The following ZNF385D variants were observed in gnomAD, a reference collection of about 807,000 sequenced individuals.
ZNF385D encodes zinc finger protein 659.
Under a neutral mutation model 35.8 loss-of-function variants are expected in ZNF385D, and 15 were observed. That is an observed-to-expected ratio of 0.42 (90% confidence interval 0.28 to 0.64). The LOEUF (loss-of-function observed/expected upper bound fraction) is 0.64, where lower values mean the gene tolerates loss of function less well. Among genes scored for constraint, ZNF385D ranks in the 30% least tolerant of loss-of-function variants. ZNF385D has a pLI of 0.23. For synonymous variants in ZNF385D, 212 were observed against 186.8 expected (o/e 1.13, Z -1.10); for missense variants, 474 against 494.6 (o/e 0.96, Z 0.39).
intron 3 of ZNF385D, among the ~76,000 whole-genome samples, chr3:22,146,143 G>A (rs759438200): frequency 1.1e-4 from 17 of 152,104 alleles, no homozygotes; most frequent in Non-Finnish European, 1.5e-4. Context: ...TCGAAGAAAG[G>A]ATTAATTAGT....
At chr3:21,623,462 G>A (rs193006188) in intron 2 of ZNF385D, among the ~76,000 whole-genome samples, 1 of 152,094 alleles carries the variant, frequency 6.6e-6, no homozygotes, top group East Asian at 1.9e-4. Flanking sequence ...GGACAACATA[G>A]CAAGACCAGT....
chr3:21,892,173 A>C (rs1040739451), intron 3 of ZNF385D, among the ~76,000 whole-genome samples: 8 of 152,200 alleles, frequency 5.3e-5, no homozygotes, highest in Admixed American at 5.2e-4. Context: ...AAACACCTCA[A>C]ATGAAATCTT....
chr3:21,763,790 G>C (rs78607124), intron 3 of ZNF385D, among the ~76,000 whole-genome samples: 11,978 of 152,218 alleles, frequency 0.079, 636 homozygotes, highest in South Asian at 0.17. Flanking sequence ...TTTAATCTCT[G>C]CTTTGGTATT....
chr3:22,049,750 T>C (rs549160738), intron 3 of ZNF385D, among the ~76,000 whole-genome samples: 1 of 152,334 alleles, frequency 6.6e-6, no homozygotes. Flanking sequence ...CAGCATCCAT[T>C]GAAATGATAT....
chr3:21,493,546 C>T (rs1287419619), intron 4 of ZNF385D, among the ~76,000 whole-genome samples: 2 of 152,074 alleles, frequency 1.3e-5, no homozygotes, highest in African/African-American at 2.4e-5. Context: ...TTAAGTAACA[C>T]TATATACTGA....
At chr3:21,827,877 AT>A (rs1694744920) in intron 3 of ZNF385D, among the ~76,000 whole-genome samples, 11 of 152,348 alleles carry the variant, frequency 7.2e-5, no homozygotes, top group Middle Eastern at 3.4e-3. Flanking sequence ...AATTTGTAGC[AT>A]ATGTTTCTAT....
intron 3 of ZNF385D, among the ~76,000 whole-genome samples, chr3:21,775,169 C>A (rs764766934): frequency 2.6e-5 from 4 of 151,828 alleles, no homozygotes; most frequent in Non-Finnish European, 4.4e-5. Context: ...CATGGAAAAT[C>A]AAGTAAATTC....
intron 2 of ZNF385D, among the ~76,000 whole-genome samples, chr3:22,297,351 A>G (rs1166191546): frequency 3.3e-5 from 5 of 152,136 alleles, no homozygotes; most frequent in Non-Finnish European, 2.9e-5. Context: ...TCTTTTGGCC[A>G]GACCTCTGCC....
At chr3:21,526,495 TTGCAAAAGTGG>T (rs2125518400) in intron 3 of ZNF385D, among the ~76,000 whole-genome samples, 1 of 152,274 alleles carries the variant, frequency 6.6e-6, no homozygotes, top group African/African-American at 2.4e-5. Flanking sequence ...ATATACATTA[TTGCAAAAGTGG>T]TGCAAGAAGA....
chr3:22,187,755 T>C (rs1187138740), intron 2 of ZNF385D, among the ~76,000 whole-genome samples: 1 of 152,196 alleles, frequency 6.6e-6, no homozygotes, highest in Non-Finnish European at 1.5e-5. Context: ...GAGGCTCAAC[T>C]GTGTAGAGTC....
rs549719908 is a variant in ZNF385D, at chr3:22,153,490, G to C, written c.325+15327C>G. ...TTTTTTTTTTTTTTTTTTTGAGACA[G>C]AGTCTCTCTGTCACCCAGGCTGGAG... On this transcript the variant is annotated intron_variant, in intron 3 of 5. Transcript: ENST00000494108. 8.2e-5 allele frequency among the ~76,000 whole-genome samples: 11 copies of C among 134,490 alleles called. 1 individual carries two copies. Among genetic ancestry groups the C allele is most frequent in the East Asian group, 4.2e-4 (2 of 4,764 alleles). The allele number at this position is 134,490 out of a possible 152,430, so 88.2% of individuals were successfully genotyped here.
intron 3 of ZNF385D, among the ~76,000 whole-genome samples, chr3:21,989,872 T>C (rs1450704710): frequency 6.6e-6 from 1 of 152,184 alleles, no homozygotes; most frequent in Non-Finnish European, 1.5e-5. Context: ...TGTCAAGCCG[T>C]TGAGTGAGAA....
chr3:22,246,914 C>T (rs1699813699), intron 2 of ZNF385D, among the ~76,000 whole-genome samples: 1 of 151,708 alleles, frequency 6.6e-6, no homozygotes, highest in South Asian at 2.1e-4. Context: ...ATGTAGGTAG[C>T]ATATATTATT....
At chr3:22,284,957 A>G (rs1701950772) in intron 2 of ZNF385D, among the ~76,000 whole-genome samples, 1 of 152,164 alleles carries the variant, frequency 6.6e-6, no homozygotes, top group Non-Finnish European at 1.5e-5. Context: ...ATGTGGAAGG[A>G]TCAAGATGTG....
At chr3:21,486,090 AGCT>A (rs1423603144) in intron 4 of ZNF385D, among the ~76,000 whole-genome samples, 9 of 138,578 alleles carry the variant, frequency 6.5e-5, no homozygotes, top group African/African-American at 2.5e-4. Context: ...TGATTTTTAT[AGCT>A]GCCAATTTAG....
chr3:21,904,369 G>C (rs1019855532), intron 3 of ZNF385D, among the ~76,000 whole-genome samples: 6 of 150,412 alleles, frequency 4.0e-5, no homozygotes, highest in African/African-American at 1.5e-4. Context: ...ACTATGAAGA[G>C]TATATATTTT....
chr3:22,176,573 T>C lies in ZNF385D; in HGVS notation c.107-7538A>G, dbSNP rs571647834. On this transcript the variant is annotated intron_variant, in intron 2 of 5. Transcript: ENST00000494108. ...TACAACCATGGCTTTTACAAGTTGA[T>C]GGAAGTCTTAACTGAATATTTGCAG... Among the ~76,000 whole-genome samples, 4 of 152,316 alleles carry C rather than the reference T, an allele frequency of 2.6e-5. No homozygotes were observed. The East Asian group carries it at 7.7e-4, about 29-fold the overall frequency.
chr3:22,049,849 C>T (rs1699236856), intron 3 of ZNF385D, among the ~76,000 whole-genome samples: 1 of 152,090 alleles, frequency 6.6e-6, no homozygotes, highest in African/African-American at 2.4e-5. Flanking sequence ...TAATAAATCT[C>T]ACTTGATCAT....
intron 3 of ZNF385D, among the ~76,000 whole-genome samples, chr3:21,916,909 T>A (rs74374475): frequency 5.3e-4 from 81 of 152,278 alleles, no homozygotes; most frequent in African/African-American, 1.8e-3. Flanking sequence ...ATATACCAAT[T>A]TCCAATCCCA....
Sources: gnomAD v4.1 joint callset for allele counts (sites outside exome capture counted in the v4.1 genomes callset) on GRCh38, gnomAD v4.1.1 for gene constraint, MANE v1.5 for transcripts, NCBI Gene and HGNC (gene_info 2026-07-23, HGNC 2026-07-21) for gene names.